The following BAZ1B variants were observed in gnomAD, a reference collection of about 807,000 sequenced individuals.
BAZ1B encodes the protein bromodomain adjacent to zinc finger domain 1B, also known as tyrosine-protein kinase BAZ1B.
BAZ1B carries 22 observed loss-of-function variants against 153.8 expected under a neutral mutation model. That is an observed-to-expected ratio of 0.14 (90% CI 0.10 to 0.20). BAZ1B has a LOEUF of 0.20. Ranked by LOEUF, BAZ1B falls within the 10% of genes least tolerant of loss-of-function variation. BAZ1B has a pLI of 1.00. For missense variants in BAZ1B, 1,325 were observed against 1,799.3 expected (o/e 0.74, Z 4.77); for synonymous variants, 676 against 633.4 (o/e 1.07, Z -1.01).
intron 7 of BAZ1B, among the ~76,000 whole-genome samples, chr7:73,472,313 C>T (rs1474359811): frequency 4.6e-5 from 7 of 151,118 alleles, no homozygotes; most frequent in African/African-American, 7.3e-5. Context: ...GGCTGGAGTG[C>T]AATGGTATGA....
At chr7:73,518,268 C>T (rs1358614588) in intron 1 of BAZ1B, among the ~76,000 whole-genome samples, 1 of 150,476 alleles carries the variant, frequency 6.6e-6, no homozygotes, top group Non-Finnish European at 1.5e-5. Flanking sequence ...AAAAAATTAG[C>T]CAGGCGTGGT....
In BAZ1B at chr7:73,520,977, C is replaced by T. The variant is rs1791012774; in HGVS notation, c.107+850G>A. Among the ~76,000 whole-genome samples, 3 of 152,106 alleles carry T rather than the reference C, an allele frequency of 2.0e-5. 1 individual carries two copies. Among genetic ancestry groups the T allele is most frequent in the Admixed American group, 6.6e-5 (1 of 15,258 alleles). The stretch of plus-strand genomic sequence containing the variant: ...ATTAAAAAAAAGCAAATAAAAGCTG[C>T]ACAACTTTTCACTAAAAGATAATGC... On this transcript the variant is annotated intron_variant, in intron 1 of 19. Coordinates refer to ENST00000339594, the MANE Select transcript of BAZ1B (RefSeq NM_032408.4).
At chr7:73,459,283 G>C (rs1788311400) in intron 13 of BAZ1B, among the ~76,000 whole-genome samples, 1 of 151,088 alleles carries the variant, frequency 6.6e-6, no homozygotes, top group Non-Finnish European at 1.5e-5. Flanking sequence ...GTAAACTCTG[G>C]TAAAGGTGGG....
chr7:73,507,526 G>T (rs1426933955), intron 3 of BAZ1B, among the ~76,000 whole-genome samples: 2 of 151,876 alleles, frequency 1.3e-5, no homozygotes, highest in African/African-American at 4.8e-5. Context: ...ATTCCAGCAT[G>T]GATGACAGAC....
At chr7:73,508,511 A>G (rs1790436484) in intron 2 of BAZ1B, 40 bp from the exon 3 acceptor site, 1 of 1,558,062 alleles carries the variant, frequency 6.4e-7, no homozygotes, top group Non-Finnish European at 8.7e-7. Flanking sequence ...ACACAGAAAC[A>G]CCTACCCAGA....
intron 2 of BAZ1B, among the ~76,000 whole-genome samples, chr7:73,509,431 TA>T (rs1226598879): frequency 1.3e-5 from 2 of 150,914 alleles, no homozygotes; most frequent in Non-Finnish European, 3.0e-5. Context: ...ATACAAAGAT[TA>T]AAAAAAAACA....
rs1554578107 is a variant in BAZ1B, at chr7:73,508,408, T to C, written c.288A>G (p.Thr96=). ...KLVLEMVHHN[T]ASLEKLVDTA... Reference sequence around the variant, plus strand: ...TATCTACTAACTTCTCTAAGGAGGCTGTGTTATGGTGAACCATTTCCAGAA... The same window carrying C: ...TATCTACTAACTTCTCTAAGGAGGCCGTGTTATGGTGAACCATTTCCAGAA... The change falls in exon 3 of 20, where the codon ACA becomes ACG. Residue 96 remains threonine (T), a synonymous_variant. Coordinates refer to ENST00000339594, the MANE Select transcript of BAZ1B (RefSeq NM_032408.4). The C allele has an allele frequency of 1.9e-6, 3 of 1,613,826 alleles. No individual in the cohort carries two copies. The highest frequency in any genetic ancestry group is 2.5e-6 in the Non-Finnish European group (3 of 1,179,910).
At position 73,521,971 on chromosome 7, in the gene BAZ1B, C is replaced by T. The variant is rs782623220; in HGVS notation, c.-38G>A. Reference sequence around the variant, plus strand: ...GGTGGGGACTGGCGGCTGCTGGGGCCGGCCCCGCGGCGCAGCACTAGGCCC... The same window carrying T: ...GGTGGGGACTGGCGGCTGCTGGGGCTGGCCCCGCGGCGCAGCACTAGGCCC... On this transcript the variant is annotated 5_prime_UTR_variant, in exon 1 of 20. Coordinates refer to ENST00000339594, the MANE Select transcript of BAZ1B (RefSeq NM_032408.4). 2.2e-6 allele frequency: 3 copies of T among 1,354,384 alleles called. No individual in the cohort carries two copies. The highest frequency in any genetic ancestry group is 2.9e-6 in the Non-Finnish European group (3 of 1,046,634). 83.9% of individuals were successfully genotyped at this position (1,354,384 alleles called of 1,614,324 possible).
chr7:73,497,800 A>G (rs553528602), intron 4 of BAZ1B, among the ~76,000 whole-genome samples: 1 of 152,312 alleles, frequency 6.6e-6, no homozygotes, highest in East Asian at 1.9e-4. Context: ...ACATTGGCTT[A>G]TAATGTGAAG....
At chr7:73,465,358 G>T (rs539047088) in intron 11 of BAZ1B, 81 bp downstream of exon 11, 2 of 928,748 alleles carry the variant, frequency 2.2e-6, no homozygotes, top group Non-Finnish European at 1.6e-6. Flanking sequence ...AACTTAAATG[G>T]ATAAGAAAAA....
intron 9 of BAZ1B, among the ~76,000 whole-genome samples, chr7:73,467,558 C>T (rs782578896): frequency 6.7e-6 from 1 of 149,504 alleles, no homozygotes; most frequent in Non-Finnish European, 1.5e-5. Flanking sequence ...TTTGTAGAGA[C>T]GGGGTTTCGC....
chr7:73,479,287 T>A (rs1373342707), intron 6 of BAZ1B, among the ~76,000 whole-genome samples: 1 of 151,940 alleles, frequency 6.6e-6, no homozygotes, highest in Non-Finnish European at 1.5e-5. Context: ...GGCAGGCAGA[T>A]CACTTGAGGT....
intron 19 of BAZ1B, 46 bp downstream of exon 19, chr7:73,442,135 C>A: frequency 1.6e-6 from 1 of 615,050 alleles, no homozygotes; most frequent in Non-Finnish European, 3.0e-6. Flanking sequence ...CCTCGCTCGC[C>A]TCCCTCCCAC....
At chr7:73,442,136 T>TAGCCAACCCC in intron 19 of BAZ1B, 45 bp downstream of exon 19, 1 of 573,492 alleles carries the variant, frequency 1.7e-6, no homozygotes, top group Non-Finnish European at 3.2e-6. Flanking sequence ...CTCGCTCGCC[T>TAGCCAACCCC]CCCTCCCACC....
At chr7:73,467,096 C>A (rs554687616) in intron 9 of BAZ1B, among the ~76,000 whole-genome samples, 310 of 152,138 alleles carry the variant, frequency 2.0e-3, no homozygotes, top group Middle Eastern at 6.8e-3. Context: ...ACACACCTGG[C>A]TAATTTTTCT....
In BAZ1B at chr7:73,483,990, G is replaced by A. The variant is rs965221216; in HGVS notation, c.891+5204C>T. Among the ~76,000 whole-genome samples, 19 of 152,226 alleles carry A rather than the reference G, an allele frequency of 1.2e-4. No individual in the cohort carries two copies. The East Asian group carries it at 2.5e-3, about 20-fold the overall frequency. ...CGAGACTTTAAAGAAAAATCAGGCC[G>A]GGTGTGGTGGCTCATGCCTGTAATC... is the stretch of plus-strand genomic sequence containing the variant. On this transcript the variant is annotated intron_variant, in intron 6 of 19. Transcript: ENST00000339594.
At position 73,459,707 on chromosome 7, in the gene BAZ1B, T is replaced by C; in HGVS notation, c.3261A>G (p.Leu1087=). 6.2e-7 allele frequency: 1 copy of C among 1,605,544 alleles called. No individual in the cohort carries two copies. Among genetic ancestry groups the C allele is most frequent in the South Asian group, 1.1e-5 (1 of 89,622 alleles). Residue 1087 remains leucine, a synonymous_variant, in exon 13 of 20, where the codon TTA becomes TTG. Transcript: ENST00000339594. ...ACTCACCAAAATCCTTCAATTTCTC[T>C]AATGAAATGACCTATAGGAAAGGAT... ...TSEFEARVIS[L]EKLKDFGECV...
rs1394161250 is a variant in BAZ1B, at chr7:73,450,429, T to C, written c.3580+418A>G. 6.6e-6 allele frequency among the ~76,000 whole-genome samples: 1 copy of C among 152,184 alleles called. No individual in the cohort carries two copies. Among genetic ancestry groups the C allele is most frequent in the Admixed American group, 6.5e-5 (1 of 15,276 alleles). ...CCAATCAGCAAGGGGCTTCTAACCA[T>C]GAAGTTCCTTTTGCACATATGAGAC... On this transcript the variant is annotated intron_variant, in intron 14 of 19. Transcript: ENST00000339594. The surrounding 1 kb of genome is among the most constrained non-coding windows in gnomAD (Gnocchi z 4.1).
chr7:73,467,768 CA>C (rs1262174648), intron 9 of BAZ1B, among the ~76,000 whole-genome samples: 2 of 152,156 alleles, frequency 1.3e-5, no homozygotes, highest in Non-Finnish European at 2.9e-5. Flanking sequence ...TCTGGCTCCC[CA>C]ATCTTGTCTC....
Sources: gnomAD v4.1 joint callset for allele counts (sites outside exome capture counted in the v4.1 genomes callset) on GRCh38, gnomAD v4.1.1 for gene constraint, Gnocchi (gnomAD v3.1) non-coding constraint, MANE v1.5 for transcripts, NCBI Gene and HGNC (gene_info 2026-07-23, HGNC 2026-07-21) for gene names.